The following ARHGAP15 variants were observed in gnomAD, a reference collection of about 807,000 sequenced individuals.
ARHGAP15 encodes rho GTPase-activating protein 15.
Under a neutral mutation model 63.7 loss-of-function variants are expected in ARHGAP15, and 51 were observed. The observed-to-expected ratio is 0.80, with a 90% CI of 0.64 to 1.01. The LOEUF (loss-of-function observed/expected upper bound fraction) is 1.01, where lower values mean the gene tolerates loss of function less well. ARHGAP15 is among the 50% of genes least tolerant of loss of function. The probability of loss-of-function intolerance (pLI) is 0.00; values close to 1 mark genes in which losing one functional copy is unlikely to be tolerated. For synonymous variants in ARHGAP15, 191 were observed against 193.8 expected, an observed-to-expected ratio of 0.99 and a Z score of 0.12; for missense variants, 560 against 564.6, an observed-to-expected ratio of 0.99 and a Z score of 0.08.
At chr2:143,252,902 T>C (rs1282066168) in intron 6 of ARHGAP15, among the ~76,000 whole-genome samples, 1 of 152,066 alleles carries the variant, frequency 6.6e-6, no homozygotes, top group Non-Finnish European at 1.5e-5. Context: ...ATGATCAGAA[T>C]AAACATGATT....
chr2:143,720,096 T>C (rs1332712430), intron 13 of ARHGAP15, among the ~76,000 whole-genome samples: 1 of 152,078 alleles, frequency 6.6e-6, no homozygotes, highest in African/African-American at 2.4e-5. Context: ...TATAGAAAAT[T>C]GGCCTGCAGT....
intron 2 of ARHGAP15, among the ~76,000 whole-genome samples, chr2:143,187,605 C>T (rs564249341): frequency 1.3e-5 from 2 of 152,164 alleles, no homozygotes; most frequent in African/African-American, 4.8e-5. Flanking sequence ...GACACAGAGA[C>T]GTTAAACGAA....
At chr2:143,759,808 C>T (rs1045170930) in intron 13 of ARHGAP15, among the ~76,000 whole-genome samples, 1 of 151,906 alleles carries the variant, frequency 6.6e-6, no homozygotes, top group Non-Finnish European at 1.5e-5. Flanking sequence ...TCTTACCACT[C>T]TCTGCTCATT....
At chr2:143,230,113 T>TC (rs1693380012) in intron 5 of ARHGAP15, among the ~76,000 whole-genome samples, 1 of 152,086 alleles carries the variant, frequency 6.6e-6, no homozygotes, top group South Asian at 2.1e-4. Context: ...TCCTTTGTCT[T>TC]CCCTTTGAAT....
At position 143,748,873 on chromosome 2, in the gene ARHGAP15, G is replaced by A. The variant is rs561127331; in HGVS notation, c.1245-19116G>A. Among the ~76,000 whole-genome samples, 6 of 152,236 alleles carry A rather than the reference G, an allele frequency of 3.9e-5. No homozygotes were observed. The South Asian group carries it at 1.0e-3, about 26-fold the overall frequency. ...AACAATGTATCTGACTGGCATGAAT[G>A]TAGAATTACTTTCAATAAAGATTTT... On this transcript the variant is annotated intron_variant, in intron 13 of 13. Coordinates refer to ENST00000295095, the MANE Select transcript of ARHGAP15 (RefSeq NM_018460.4).
At chr2:143,139,283 T>A (rs1361805617) in intron 1 of ARHGAP15, among the ~76,000 whole-genome samples, 1 of 152,110 alleles carries the variant, frequency 6.6e-6, no homozygotes, top group African/African-American at 2.4e-5. Context: ...GGACATGATA[T>A]CATCCATATC....
At chr2:143,635,199 T>C (rs1008778103) in intron 12 of ARHGAP15, among the ~76,000 whole-genome samples, 1 of 128,024 alleles carries the variant, frequency 7.8e-6, no homozygotes, top group African/African-American at 2.8e-5. Flanking sequence ...AGGAGCTTTT[T>C]TTTTTTTTTT....
chr2:143,486,214 A>C (rs1231078467), intron 8 of ARHGAP15, among the ~76,000 whole-genome samples: 3 of 152,094 alleles, frequency 2.0e-5, no homozygotes, highest in African/African-American at 7.2e-5. Flanking sequence ...AAGGCAGTGG[A>C]GCGTTCAGTT....
chr2:143,186,252 C>T (rs1464880790), intron 2 of ARHGAP15, among the ~76,000 whole-genome samples: 9 of 152,018 alleles, frequency 5.9e-5, no homozygotes, highest in African/African-American at 1.7e-4. Flanking sequence ...TAAATAATCT[C>T]GACTTATGAA....
intron 8 of ARHGAP15, among the ~76,000 whole-genome samples, chr2:143,446,527 G>A (rs546783766): frequency 6.6e-6 from 1 of 152,118 alleles, no homozygotes; most frequent in African/African-American, 2.4e-5. Flanking sequence ...GGGATCCTAA[G>A]TGTCATGGGG....
intron 6 of ARHGAP15, among the ~76,000 whole-genome samples, chr2:143,329,082 G>C (rs1341436891): frequency 6.6e-6 from 1 of 152,186 alleles, no homozygotes; most frequent in Non-Finnish European, 1.5e-5. Context: ...GCCCTCACAA[G>C]TGTTAAAGCA....
At chr2:143,390,791 TAAGGTACCAACCCAAAGG>T (rs1347686717) in intron 6 of ARHGAP15, among the ~76,000 whole-genome samples, 1 of 151,656 alleles carries the variant, frequency 6.6e-6, no homozygotes, top group Non-Finnish European at 1.5e-5. Context: ...ATACACTTGC[TAAGGTACCAACCCAAAGG>T]GAGGGAACAA....
chr2:143,347,330 G>A (rs1012170137), intron 6 of ARHGAP15, among the ~76,000 whole-genome samples: 1 of 152,100 alleles, frequency 6.6e-6, no homozygotes, highest in African/African-American at 2.4e-5. Flanking sequence ...GTGATTCGTC[G>A]CTAAATGTAT....
At chr2:143,280,991 G>T (rs1681817193) in intron 6 of ARHGAP15, among the ~76,000 whole-genome samples, 1 of 152,082 alleles carries the variant, frequency 6.6e-6, no homozygotes, top group African/African-American at 2.4e-5. Flanking sequence ...CAGCTAATTA[G>T]CAGTAGAGCC....
At chr2:143,354,222 G>T (rs1365584825) in intron 6 of ARHGAP15, among the ~76,000 whole-genome samples, 2 of 152,172 alleles carry the variant, frequency 1.3e-5, no homozygotes, top group African/African-American at 4.8e-5. Context: ...TGAAACTGCA[G>T]CTCCTCCCTC....
At chr2:143,364,213 AAAAAAACATTC>A (rs1412802060) in intron 6 of ARHGAP15, among the ~76,000 whole-genome samples, 1 of 151,674 alleles carries the variant, frequency 6.6e-6, no homozygotes, top group Non-Finnish European at 1.5e-5. Flanking sequence ...CAAAAAAAAA[AAAAAAACATTC>A]AATCATCCAT....
chr2:143,649,277 A>G (rs1049300377), intron 12 of ARHGAP15, among the ~76,000 whole-genome samples: 1 of 151,946 alleles, frequency 6.6e-6, no homozygotes, highest in Non-Finnish European at 1.5e-5. Flanking sequence ...TCTGTTGTTC[A>G]TTTCAAAACA....
intron 10 of ARHGAP15, chr2:143,522,154 A>T (rs1442992444): frequency 6.6e-6 from 1 of 152,164 alleles, no homozygotes; most frequent in Non-Finnish European, 1.5e-5. Flanking sequence ...AATGTGAACC[A>T]ATTTAGCTAA....
At chr2:143,210,865 C>T (rs1692534390) in intron 3 of ARHGAP15, among the ~76,000 whole-genome samples, 2 of 151,472 alleles carry the variant, frequency 1.3e-5, no homozygotes. Flanking sequence ...ATCATTGCAT[C>T]CAACTTTAGA....
Sources: gnomAD v4.1 joint callset for allele counts (sites outside exome capture counted in the v4.1 genomes callset) on GRCh38, gnomAD v4.1.1 for gene constraint, MANE v1.5 for transcripts, NCBI Gene and HGNC (gene_info 2026-07-23, HGNC 2026-07-21) for gene names.